SPAG4: variants seen among roughly 807,000 people sequenced by gnomAD.
SPAG4 encodes sperm associated antigen 4.
SPAG4 carries 54 observed loss-of-function variants against 53.9 expected under a neutral mutation model. That is an observed-to-expected ratio of 1.00 (90% CI 0.80 to 1.26). The LOEUF is 1.26. SPAG4 is among the 50% of genes most tolerant of loss of function. SPAG4 has a pLI of 0.00. For missense variants in SPAG4, 548 were observed against 568.6 expected (o/e 0.96, Z 0.37); for synonymous variants, 246 against 237.4 (o/e 1.04, Z -0.33).
rs899272629 is a variant in SPAG4, at chr20:35,617,546, T to C, written c.436T>C (p.Leu146=). ...LSLLFQGLSV[L]LSLAGDVLVS... ...CCTGCTCTTCCAGGGGCTGAGCGTG[T>C]TGTTATCCCTGGCAGGAGACGTGCT... Residue 146 remains leucine (L), a synonymous_variant, in exon 3 of 12, where the codon TTG becomes CTG. Transcript: ENST00000374273. 1.9e-6 allele frequency: 3 copies of C among 1,603,286 alleles called. No individual in the cohort carries two copies. The highest frequency in any genetic ancestry group is 3.4e-5 in the Admixed American group (2 of 58,204).
chr20:35,620,372 T>C (rs2031534055), intron 10 of SPAG4, among the ~76,000 whole-genome samples: 1 of 152,150 alleles, frequency 6.6e-6, no homozygotes, highest in African/African-American at 2.4e-5. Flanking sequence ...GTAATACAAC[T>C]AACAGTTGGC....
chr20:35,615,879 G>T lies in SPAG4; in HGVS notation c.-125G>T. On this transcript the variant is annotated 5_prime_UTR_variant, in exon 1 of 12. Coordinates refer to ENST00000374273, the MANE Select transcript of SPAG4 (RefSeq NM_003116.3). The stretch of plus-strand genomic sequence containing the variant: ...CAGCGGGAGGGCAGGTGCGGCCGCG[G>T]GGCCTGCCGACTTCACGCAGGGTCC... 1.1e-6 allele frequency: 1 copy of T among 871,416 alleles called. No individual in the cohort carries two copies. Among genetic ancestry groups the T allele is most frequent in the East Asian group, 3.0e-5 (1 of 33,450 alleles). The allele number at this position is 871,416 out of a possible 1,614,324, so 54.0% of individuals were successfully genotyped here.
chr20:35,617,654 C>G (rs1244152154), intron 3 of SPAG4, 68 bp downstream of exon 3: 4 of 1,585,498 alleles, frequency 2.5e-6, no homozygotes, highest in East Asian at 4.5e-5. Flanking sequence ...GGGCCGGAAC[C>G]TTGCTGGCGC....
intron 10 of SPAG4, among the ~76,000 whole-genome samples, 162 bp downstream of exon 10, chr20:35,619,908 C>T (rs919800388): frequency 6.6e-6 from 1 of 152,100 alleles, no homozygotes; most frequent in African/African-American, 2.4e-5. Flanking sequence ...TAACCATATC[C>T]AGATATTAGT....
Position 35,618,599 on chromosome 20 carries a change from C to T in SPAG4, c.609-13C>T, listed in dbSNP as rs1255151765. 12 of 1,597,954 alleles carry T rather than the reference C, an allele frequency of 7.5e-6. No homozygotes were observed. In the Admixed American group the frequency reaches 1.9e-4, roughly 26 times the overall value. ...AGGGAGCCAACCCCACGGCGCCCAC[C>T]TCCCACCTCCAGTGAGTACCACGAG... On this transcript the variant is annotated splice_polypyrimidine_tract_variant and intron_variant, in intron 6 of 11. Coordinates refer to ENST00000374273, the MANE Select transcript of SPAG4 (RefSeq NM_003116.3).
chr20:35,616,779 G>A, intron 1 of SPAG4: 1 of 260,758 alleles, frequency 3.8e-6, no homozygotes, highest in South Asian at 6.5e-5. Context: ...ACAGGCGTGC[G>A]CCACCATGCC....
intron 1 of SPAG4, 182 bp downstream of exon 1, chr20:35,616,489 T>A: frequency 5.9e-6 from 4 of 678,388 alleles, no homozygotes; most frequent in Non-Finnish European, 7.3e-6. Context: ...TGGACGGTTA[T>A]GGGAAGGGGC....
chr20:35,617,909 C>T (rs1343721558), intron 4 of SPAG4, 69 bp downstream of exon 4: 1 of 1,515,334 alleles, frequency 6.6e-7, no homozygotes, highest in Non-Finnish European at 9.2e-7. Flanking sequence ...CACATTTTCT[C>T]CTACATCCTC....
Position 35,621,074 on chromosome 20 carries a change from G to C in SPAG4, c.*52G>C, listed in dbSNP as rs2031568960. On this transcript the variant is annotated 3_prime_UTR_variant, in exon 12 of 12. Coordinates refer to ENST00000374273, the MANE Select transcript of SPAG4 (RefSeq NM_003116.3). Reference sequence around the variant, plus strand: ...AGTTCTGCTGAAGGATACTGGATCAGTGCTTTCGGGGGCTCTGTTGGGAGA... The same window carrying C: ...AGTTCTGCTGAAGGATACTGGATCACTGCTTTCGGGGGCTCTGTTGGGAGA... 1 of 1,586,236 alleles carries C rather than the reference G, an allele frequency of 6.3e-7. No individual in the cohort carries two copies. Among genetic ancestry groups the C allele is most frequent in the African/African-American group, 1.3e-5 (1 of 74,542 alleles).
Position 35,615,891 on chromosome 20 carries a change from T to G in SPAG4, c.-113T>G. Reference sequence around the variant, plus strand: ...AGGTGCGGCCGCGGGGCCTGCCGACTTCACGCAGGGTCCGTGGGGTCCCCG... The same window carrying G: ...AGGTGCGGCCGCGGGGCCTGCCGACGTCACGCAGGGTCCGTGGGGTCCCCG... On this transcript the variant is annotated 5_prime_UTR_variant, in exon 1 of 12. Transcript: ENST00000374273. 1 of 1,053,006 alleles carries G rather than the reference T, an allele frequency of 9.5e-7. No homozygotes were observed. Among genetic ancestry groups the G allele is most frequent in the Non-Finnish European group, 1.3e-6 (1 of 753,160 alleles). The allele number at this position is 1,053,006 out of a possible 1,614,324, so 65.2% of individuals were successfully genotyped here. A position where few individuals can be genotyped will look rare whatever the true frequency, so the allele number is the denominator to read the frequency against.
intron 1 of SPAG4, 44 bp from the exon 2 acceptor site, chr20:35,617,092 T>C (rs753463335): frequency 5.2e-5 from 68 of 1,301,194 alleles, no homozygotes; most frequent in Non-Finnish European, 1.4e-5. Context: ...GGAAAATAGG[T>C]CTGTGGTCCG....
chr20:35,617,523 T>C lies in SPAG4; in HGVS notation c.413T>C (p.Leu138Pro). 2.5e-6 allele frequency: 4 copies of C among 1,592,014 alleles called. No individual in the cohort carries two copies. The highest frequency in any genetic ancestry group is 3.4e-6 in the Non-Finnish European group (4 of 1,168,342). The change falls in exon 3 of 12, where the codon CTG (leucine) becomes CCG (proline). Residue 138 changes from leucine to proline, a missense_variant. Coordinates refer to ENST00000374273, the MANE Select transcript of SPAG4 (RefSeq NM_003116.3). ...TGACCCTCTGTCCTGGCCTCAGGCC[T>C]GCTCTTCCAGGGGCTGAGCGTGTTG... ...PPRVFKSFLS[L>P]LFQGLSVLLS...
intron 1 of SPAG4, chr20:35,616,516 T>A (rs1164385670): frequency 2.2e-6 from 1 of 452,074 alleles, no homozygotes; most frequent in East Asian, 1.5e-4. Flanking sequence ...AATCTTGTGG[T>A]TGGGTGCCAC....
rs2031433082 is a variant in SPAG4, at chr20:35,617,642, C to G, written c.476+56C>G. On this transcript the variant is annotated intron_variant, in intron 3 of 11. Coordinates refer to ENST00000374273, the MANE Select transcript of SPAG4 (RefSeq NM_003116.3). ...ACAGCTCTTTGGAGGGGGTGGGGAG[C>G]AGGGCCGGAACCTTGCTGGCGCTTG... 3 of 1,594,298 alleles carry G rather than the reference C, an allele frequency of 1.9e-6. No individual in the cohort carries two copies. In the East Asian group the frequency reaches 6.7e-5, roughly 36 times the overall value.
intron 4 of SPAG4, 85 bp downstream of exon 4, chr20:35,617,925 T>C (rs1410726761): frequency 6.9e-7 from 1 of 1,452,862 alleles, no homozygotes; most frequent in East Asian, 2.3e-5. Context: ...TCCTCGGTCC[T>C]GCAGCTCCTG....
At position 35,620,689 on chromosome 20, in the gene SPAG4, C is replaced by T; in HGVS notation, c.1083C>T (p.Leu361=). 6.2e-7 allele frequency: 1 copy of T among 1,600,754 alleles called. No homozygotes were observed. The highest frequency in any genetic ancestry group is 8.5e-7 in the Non-Finnish European group (1 of 1,172,550). ...TTTCATTCTTCACCCACCAGGGCCT[C>T]CAGGTTTATGATGAAACTGAAGTTT... ...SAPRDFAVFG[L]QVYDETEVSL... Residue 361 remains leucine, a synonymous_variant, in exon 11 of 12, where the codon CTC becomes CTT. Transcript: ENST00000374273.
chr20:35,619,693 A>G lies in SPAG4; in HGVS notation c.1024A>G (p.Ser342Gly). 6.2e-7 allele frequency: 1 copy of G among 1,613,634 alleles called. No homozygotes were observed. Reference protein sequence around the residue: ...SDITLQHPPPSVEHTGGANSA... With the variant: ...SDITLQHPPPGVEHTGGANSA... Reference sequence around the variant, plus strand: ...CATCACTCTGCAGCATCCACCGCCCAGCGTGGAGCACACCGGAGGAGCCAA... The same window carrying G: ...CATCACTCTGCAGCATCCACCGCCCGGCGTGGAGCACACCGGAGGAGCCAA... The change falls in exon 10 of 12, where the codon AGC becomes GGC. Residue 342 changes from serine to glycine, a missense_variant. Transcript: ENST00000374273.
chr20:35,619,030 G>T (rs1568899908), intron 8 of SPAG4, 32 bp downstream of exon 8: 4 of 1,590,990 alleles, frequency 2.5e-6, no homozygotes, highest in African/African-American at 2.7e-5. Flanking sequence ...AGACAGAGAC[G>T]CAGACAGGAA....
chr20:35,618,426 G>A, intron 5 of SPAG4, 24 bp from the exon 6 acceptor site: 1 of 1,613,938 alleles, frequency 6.2e-7, no homozygotes, highest in South Asian at 1.1e-5. Flanking sequence ...GAGCGGCTCT[G>A]TGTTTTGTCC....
Sources: allele counts gnomAD v4.1 joint callset (sites outside exome capture counted in the v4.1 genomes callset), GRCh38; gene constraint gnomAD v4.1.1; transcripts MANE v1.5; gene names NCBI Gene and HGNC (gene_info 2026-07-23, HGNC 2026-07-21).